Variants in ZNRF3 observed in about 807,000 individuals in gnomAD.
ZNRF3 encodes the protein zinc and ring finger 3, also known as E3 ubiquitin-protein ligase ZNRF3.
Under a neutral mutation model 72.5 loss-of-function variants are expected in ZNRF3, and 23 were observed. The ratio of observed to expected loss-of-function variants is 0.32; its 90% CI spans 0.23 to 0.45. The LOEUF is 0.45. ZNRF3 is among the 20% of genes least tolerant of loss of function. The pLI is 1.00. For synonymous variants in ZNRF3, 610 were observed against 545.3 expected (o/e 1.12, Z -1.65); for missense variants, 1,169 against 1,272.1 (o/e 0.92, Z 1.23).
chr22:28,995,133 C>A (rs866870377), intron 2 of ZNRF3, among the ~76,000 whole-genome samples: 1 of 152,190 alleles, frequency 6.6e-6, no homozygotes, highest in African/African-American at 2.4e-5. Context: ...ATAGGAAAAT[C>A]AAACTAATTG....
chr22:28,897,218 G>A (rs984969708), intron 1 of ZNRF3, among the ~76,000 whole-genome samples: 1 of 152,208 alleles, frequency 6.6e-6, no homozygotes, highest in African/African-American at 2.4e-5. Context: ...TGACCTAGCT[G>A]CCCCAGTCTC....
intron 2 of ZNRF3, chr22:29,018,718 A>G (rs1429620769): frequency 1.3e-5 from 2 of 152,408 alleles, no homozygotes; most frequent in African/African-American, 4.8e-5. Flanking sequence ...AAATAGGCTG[A>G]GGAGCACAAA....
intron 1 of ZNRF3, among the ~76,000 whole-genome samples, chr22:28,973,989 G>A (rs12484882): frequency 0.26 from 35,084 of 132,582 alleles, 5,404 homozygotes; most frequent in Middle Eastern, 0.44. Context: ...ACGGAGTCTC[G>A]CTTTGTCACC....
chr22:29,036,789 T>C (rs771500343), intron 2 of ZNRF3, among the ~76,000 whole-genome samples: 1 of 152,048 alleles, frequency 6.6e-6, no homozygotes, highest in Non-Finnish European at 1.5e-5. Flanking sequence ...AACCCAAATA[T>C]CAGAAATACA....
chr22:28,928,009 G>T (rs1017862802), intron 1 of ZNRF3, among the ~76,000 whole-genome samples: 1 of 152,188 alleles, frequency 6.6e-6, no homozygotes, highest in Non-Finnish European at 1.5e-5. Context: ...CAGCTGCACA[G>T]GCTTTAAATA....
intron 1 of ZNRF3, among the ~76,000 whole-genome samples, chr22:28,977,677 G>A (rs1353633048): frequency 1.3e-5 from 2 of 152,106 alleles, no homozygotes; most frequent in African/African-American, 4.8e-5. Context: ...GAAATGTCTC[G>A]TCCTCCTATT....
At chr22:29,009,653 A>G (rs2036315823) in intron 2 of ZNRF3, among the ~76,000 whole-genome samples, 1 of 152,192 alleles carries the variant, frequency 6.6e-6, no homozygotes, top group South Asian at 2.1e-4. Context: ...GAAGATTTTT[A>G]TATACCTGAA....
intron 1 of ZNRF3, among the ~76,000 whole-genome samples, chr22:28,931,422 C>T (rs1001151075): frequency 2.0e-5 from 3 of 152,094 alleles, no homozygotes; most frequent in African/African-American, 4.8e-5. Flanking sequence ...GTTTTGGCCC[C>T]GTAGGTGAAG....
chr22:28,926,582 C>T (rs1601566166), intron 1 of ZNRF3, among the ~76,000 whole-genome samples: 1 of 150,910 alleles, frequency 6.6e-6, no homozygotes, highest in South Asian at 2.1e-4. Context: ...CTGAGGTGGG[C>T]GGATCGCCTG....
At position 29,048,284 on chromosome 22, in the gene ZNRF3, G is replaced by C; in HGVS notation, c.913-105G>C. The C allele has an allele frequency of 1.2e-6, 1 of 828,152 alleles. No individual in the cohort carries two copies. The highest frequency in any genetic ancestry group is 1.8e-5 in the South Asian group (1 of 56,630). 51.3% of individuals were successfully genotyped at this position (828,152 alleles called of 1,614,324 possible). Reference sequence around the variant, plus strand: ...TGGAGGTGGGGAGGAGAGTAGGGAAGGGCACGGGCATGCTGTGCAGAACTC... The same window carrying C: ...TGGAGGTGGGGAGGAGAGTAGGGAACGGCACGGGCATGCTGTGCAGAACTC... On this transcript the variant is annotated intron_variant, in intron 6 of 8. Coordinates refer to ENST00000544604, the MANE Select transcript of ZNRF3 (RefSeq NM_001206998.2). This position sits in a 1 kb window ranked among gnomAD's most constrained non-coding sequence, Gnocchi z 4.9.
chr22:28,899,403 G>A (rs1377939519), intron 1 of ZNRF3, among the ~76,000 whole-genome samples: 1 of 152,146 alleles, frequency 6.6e-6, no homozygotes, highest in Non-Finnish European at 1.5e-5. Context: ...TGTGTACTGT[G>A]GCCAGGAGTG....
In ZNRF3 at chr22:29,044,862, A is replaced by C. The variant is rs748666103; in HGVS notation, c.716A>C (p.Lys239Thr). The C allele has an allele frequency of 1.2e-6, 2 of 1,613,916 alleles. No individual in the cohort carries two copies. The highest frequency in any genetic ancestry group is 1.7e-6 in the Non-Finnish European group (2 of 1,179,966). ...VSLVCLILLV[K>T]IKLKQRRSQN... is the part of the protein sequence containing the mutation. The stretch of plus-strand genomic sequence containing the variant: ...TTGGTCTGCCTCATCCTCCTTGTCA[A>C]AATCAAGCTGAAGCAGCGACGCAGT... The change falls in exon 5 of 9, where the codon AAA becomes ACA. Residue 239 changes from lysine to threonine, a missense_variant. This residue lies in a region of ZNRF3 where 386 missense variants were observed against 540.7 expected (regional missense o/e 0.71). Transcript: ENST00000544604.
At chr22:28,942,680 G>A (rs1280023067) in intron 1 of ZNRF3, among the ~76,000 whole-genome samples, 1 of 152,184 alleles carries the variant, frequency 6.6e-6, no homozygotes, top group Non-Finnish European at 1.5e-5. Flanking sequence ...GATCTCAGAT[G>A]TGAAAGAGAC....
chr22:29,008,633 C>T (rs1188486455), intron 2 of ZNRF3, among the ~76,000 whole-genome samples: 1 of 152,238 alleles, frequency 6.6e-6, no homozygotes, highest in East Asian at 1.9e-4. Flanking sequence ...AGGAGATGGC[C>T]TAGGACTCAT....
chr22:29,031,281 C>T (rs1229986653), intron 2 of ZNRF3: 2 of 152,242 alleles, frequency 1.3e-5, no homozygotes, highest in African/African-American at 2.4e-5. Flanking sequence ...ACAAATTACC[C>T]AAGAACCACA....
intron 1 of ZNRF3, among the ~76,000 whole-genome samples, chr22:28,938,912 G>A (rs2034890176): frequency 6.6e-6 from 1 of 152,116 alleles, no homozygotes; most frequent in Non-Finnish European, 1.5e-5. Flanking sequence ...AATCAGACCC[G>A]AGTTCTAATT....
In ZNRF3 at chr22:29,030,530, G is replaced by A. The variant is rs749981810; in HGVS notation, c.427-11965G>A. ...CTTAAAATGCATCATCTTCGTTCCGGAACTCAGAACCTGCAGCCGACGGGA... is the reference window on the plus strand; with the variant it reads ...CTTAAAATGCATCATCTTCGTTCCGAAACTCAGAACCTGCAGCCGACGGGA... On this transcript the variant is annotated intron_variant, in intron 2 of 8. Coordinates refer to ENST00000544604, the MANE Select transcript of ZNRF3 (RefSeq NM_001206998.2). This position sits in a 1 kb window ranked among gnomAD's most constrained non-coding sequence, Gnocchi z 4.2. Among the ~76,000 whole-genome samples, 1 of 152,188 alleles carries A rather than the reference G, an allele frequency of 6.6e-6. No homozygotes were observed. The highest frequency in any genetic ancestry group is 1.5e-5 in the Non-Finnish European group (1 of 68,044).
chr22:28,969,326 T>C (rs916871763), intron 1 of ZNRF3, among the ~76,000 whole-genome samples: 2 of 152,212 alleles, frequency 1.3e-5, no homozygotes, highest in Admixed American at 6.5e-5. Context: ...CCCGTAGATA[T>C]GTTTATCTTG....
rs1485602189 is a variant in ZNRF3, at chr22:29,044,891, G to A, written c.744+1G>A. The A allele has an allele frequency of 6.2e-7, 1 of 1,610,328 alleles. No homozygotes were observed. The highest frequency in any genetic ancestry group is 8.5e-7 in the Non-Finnish European group (1 of 1,176,708). ...CAAGCTGAAGCAGCGACGCAGTCAG[G>A]TAGTGCCTCTGTGTGTAGCCCGTGA... is the stretch of plus-strand genomic sequence containing the variant. On this transcript the variant is annotated splice_donor_variant, in intron 5 of 8. Coordinates refer to ENST00000544604, the MANE Select transcript of ZNRF3 (RefSeq NM_001206998.2). LOFTEE classifies it high-confidence loss of function.
Sources: gnomAD v4.1 joint callset for allele counts (sites outside exome capture counted in the v4.1 genomes callset) on GRCh38, gnomAD v4.1.1 for gene constraint, gnomAD v4.1.1 regional missense constraint, Gnocchi (gnomAD v3.1) non-coding constraint, MANE v1.5 for transcripts, NCBI Gene and HGNC (gene_info 2026-07-23, HGNC 2026-07-21) for gene names.